RIF1: variants seen among roughly 807,000 people sequenced by gnomAD.
The protein encoded by RIF1 is replication timing regulatory factor 1, also known as telomere-associated protein RIF1.
RIF1 carries 45 observed loss-of-function variants against 247.1 expected under a neutral mutation model. The ratio of observed to expected loss-of-function variants is 0.18; its 90% CI spans 0.14 to 0.23. The LOEUF is 0.23. RIF1 is among the 10% of genes least tolerant of loss of function. The pLI is 1.00. For missense variants in RIF1, 2,967 were observed against 2,862.5 expected (o/e 1.04, Z -0.83); for synonymous variants, 1,087 against 978.8 (o/e 1.11, Z -2.06).
chr2:151,440,152 A>G, intron 15 of RIF1, 25 bp downstream of exon 15: 1 of 1,194,964 alleles, frequency 8.4e-7, no homozygotes, highest in Non-Finnish European at 1.2e-6. Flanking sequence ...CGTATGTTGG[A>G]CTTTAAAAAC....
At chr2:151,493,661 G>T in intron 9 of RIF1, 1 of 919,482 alleles carries the variant, frequency 1.1e-6, no homozygotes, top group East Asian at 2.7e-5. Context: ...GGACAAGGAA[G>T]AATTTTTAAA....
At position 151,503,335 on chromosome 2, in the gene RIF1, A is replaced by G. The variant is rs754114947; in HGVS notation, c.*861+150A>G. On this transcript the variant is annotated intron_variant and NMD_transcript_variant, in intron 12 of 13. Transcript: ENST00000454583. ...TATGGGAAATAGTTTCTTATATGAT[A>G]TATTTGTAAATACCGAGCTAAAGTT... 1 of 1,555,824 alleles carries G rather than the reference A, an allele frequency of 6.4e-7. No homozygotes were observed. Among genetic ancestry groups the G allele is most frequent in the Non-Finnish European group, 8.9e-7 (1 of 1,129,798 alleles).
rs1401596217 is a variant in RIF1, at chr2:151,437,230, T to C, written c.1373-11T>C. ...TGTTTTACATAATTATCTTTTATTC[T>C]TCCCTTTCAGAGCCATTGGAACATC... is the stretch of plus-strand genomic sequence containing the variant. On this transcript the variant is annotated splice_polypyrimidine_tract_variant and intron_variant, in intron 12 of 35. Transcript: ENST00000444746. The C allele has an allele frequency of 6.3e-7, 1 of 1,583,044 alleles. No individual in the cohort carries two copies. Among genetic ancestry groups the C allele is most frequent in the African/African-American group, 1.3e-5 (1 of 74,136 alleles).
Position 151,457,810 on chromosome 2 carries a change from C to G in RIF1, c.2702C>G (p.Thr901Ser). 6.2e-7 allele frequency: 1 copy of G among 1,613,862 alleles called. No homozygotes were observed. The highest frequency in any genetic ancestry group is 8.5e-7 in the Non-Finnish European group (1 of 1,179,898). ...ATTGCTTGTCTGCAATTCAGCTACA[C>G]CGGAACTTATGATAGTGAACTTCTT... ...EIIACLQFSY[T>S]GTYDSELLEQ... The change falls in exon 24 of 36, where the codon ACC (threonine) becomes AGC (serine). Residue 901 changes from threonine (T) to serine (S), a missense_variant. Around this residue, in one of 7 missense-constraint regions of RIF1, gnomAD observed 2,028 missense variants for 1,825.6 expected, o/e 1.11. Transcript: ENST00000444746.
intron 18 of RIF1, among the ~76,000 whole-genome samples, chr2:151,443,917 T>C (rs1692791948): frequency 6.6e-6 from 1 of 152,218 alleles, no homozygotes; most frequent in Non-Finnish European, 1.5e-5. Context: ...CTAATCAGCT[T>C]CATTTTCTTC....
chr2:151,467,194 A>G (rs1239936894), intron 30 of RIF1, among the ~76,000 whole-genome samples: 2 of 151,974 alleles, frequency 1.3e-5, no homozygotes, highest in African/African-American at 4.8e-5. Context: ...GTGCCACTGC[A>G]CTCCAGCCTG....
chr2:151,459,148 C>T (rs1375420855), intron 25 of RIF1, among the ~76,000 whole-genome samples: 1 of 152,078 alleles, frequency 6.6e-6, no homozygotes, highest in African/African-American at 2.4e-5. Flanking sequence ...CTGTGCTGTT[C>T]ACAAAGAGTA....
At chr2:151,466,572 C>A (rs16830059) in intron 30 of RIF1, among the ~76,000 whole-genome samples, 38,913 of 152,006 alleles carry the variant, frequency 0.26, 5,569 homozygotes, top group Admixed American at 0.38. Context: ...CATGTGCCTT[C>A]ATCAACTTGT....
downstream of RIF1, chr2:151,486,549 T>G: frequency 6.6e-6 from 1 of 152,310 alleles, no homozygotes; most frequent in East Asian, 1.9e-4. Flanking sequence ...AATTTGTACA[T>G]CCATGTCCGT....
In RIF1 at chr2:151,478,698, T is replaced by C. The variant is rs563710437; in HGVS notation, c.*3627T>C. Reference sequence around the variant, plus strand: ...GTGTAAAGGAGTGAGAATAGAGTAATTGCTTTTTAAAAAGAAAGTATAAAT... The same window carrying C: ...GTGTAAAGGAGTGAGAATAGAGTAACTGCTTTTTAAAAAGAAAGTATAAAT... On this transcript the variant is annotated 3_prime_UTR_variant, in exon 36 of 36. Transcript: ENST00000444746. 1.1e-4 allele frequency: 16 copies of C among 152,232 alleles called. No homozygotes were observed. The highest frequency in any genetic ancestry group is 3.9e-4 in the African/African-American group (16 of 41,534). The allele number at this position is 152,232 out of a possible 1,614,324, so 9.4% of individuals were successfully genotyped here.
At chr2:151,512,730 T>C, downstream of RIF1, 1 of 1,609,292 alleles carries the variant, frequency 6.2e-7, no homozygotes, top group East Asian at 2.2e-5. Flanking sequence ...CGAATGTCCT[T>C]ACCTGGCTTG....
chr2:151,458,975 AAT>A, intron 25 of RIF1, 65 bp downstream of exon 25: 1 of 933,640 alleles, frequency 1.1e-6, no homozygotes, highest in Non-Finnish European at 1.6e-6. Flanking sequence ...GAAAGTTATA[AAT>A]AAGTAGAACC....
At chr2:151,411,765 A>G (rs1371327992) in intron 3 of RIF1, among the ~76,000 whole-genome samples, 1 of 152,236 alleles carries the variant, frequency 6.6e-6, no homozygotes, top group Non-Finnish European at 1.5e-5. Flanking sequence ...AATAACAGCA[A>G]TAATACTGAT....
chr2:151,464,000 A>G lies in RIF1; in HGVS notation c.4480A>G (p.Ser1494Gly), dbSNP rs1348714252. ...NLHEKTLGET[S>G]ANAETEQNKK... ...ACATGAGAAGACTCTTGGGGAAACT[A>G]GTGCTAATGCAGAAACTGAACAAAA... Residue 1494 changes from serine to glycine, a missense_variant, in exon 30 of 36, where the codon AGT (serine) becomes GGT (glycine). By Grantham distance (56) the Ser-to-Gly change is moderately conservative (BLOSUM62 0). This residue lies in a region of RIF1 where 2,028 missense variants were observed against 1,825.6 expected (regional missense o/e 1.11). Coordinates refer to ENST00000444746, the MANE Select transcript of RIF1 (RefSeq NM_018151.5). 4 of 1,608,718 alleles carry G rather than the reference A, an allele frequency of 2.5e-6. No homozygotes were observed. Among genetic ancestry groups the G allele is most frequent in the Admixed American group, 1.7e-5 (1 of 58,552 alleles).
intron 11 of RIF1, 86 bp downstream of exon 11, chr2:151,435,666 G>C: frequency 1.5e-6 from 1 of 687,862 alleles, no homozygotes; most frequent in Admixed American, 2.3e-5. Flanking sequence ...AAAAAAAAAG[G>C]CTTTGAGAGG....
chr2:151,420,059 T>A (rs1030902563), intron 6 of RIF1, 131 bp from the exon 7 acceptor site: 1 of 703,524 alleles, frequency 1.4e-6, no homozygotes, highest in Non-Finnish European at 2.3e-6. Flanking sequence ...TTCTTGTGTG[T>A]ATATGCATAT....
chr2:151,442,583 G>A (rs1574016066), intron 16 of RIF1, among the ~76,000 whole-genome samples: 1 of 152,016 alleles, frequency 6.6e-6, no homozygotes, highest in African/African-American at 2.4e-5. Context: ...GTTTATATAC[G>A]ATAATACTGT....
chr2:151,508,929 TA>T (rs1371469371), downstream of RIF1, among the ~76,000 whole-genome samples: 1 of 152,252 alleles, frequency 6.6e-6, no homozygotes, highest in East Asian at 1.9e-4. Context: ...TTTAGAGCCT[TA>T]TTTTTCTTTC....
At position 151,506,583 on chromosome 2, in the gene RIF1, C is replaced by CA. The variant is rs1329162955; in HGVS notation, c.*1027+209dup. On this transcript the variant is annotated intron_variant and NMD_transcript_variant, in intron 13 of 13. Coordinates refer to the RIF1 transcript ENST00000454583. Reference sequence around the variant, plus strand: ...AAAATCCATTAAAGAAATGCAAACTCAGTCAGTTATTTGGGGGAGGGATAA... The same window carrying CA: ...AAAATCCATTAAAGAAATGCAAACTCAAGTCAGTTATTTGGGGGAGGGATAA... Among the ~76,000 whole-genome samples, 6 of 152,302 alleles carry CA rather than the reference C, an allele frequency of 3.9e-5. No individual in the cohort carries two copies. The South Asian group carries it at 1.2e-3, about 32-fold the overall frequency.
Sources: allele counts gnomAD v4.1 joint callset (sites outside exome capture counted in the v4.1 genomes callset), GRCh38; gene constraint gnomAD v4.1.1; regional missense constraint gnomAD v4.1.1; transcripts MANE v1.5; gene names NCBI Gene and HGNC (gene_info 2026-07-23, HGNC 2026-07-21).